Variants in CCDC141 observed in about 807,000 individuals in gnomAD.
The protein encoded by CCDC141 is coiled-coil domain containing 141, also known as coiled-coil domain-containing protein 141.
A neutral mutation model predicts 181.0 loss-of-function variants in CCDC141; 168 were observed. The observed-to-expected ratio is 0.93, with a 90% CI of 0.82 to 1.05. CCDC141 has a LOEUF of 1.05. Ranked by LOEUF, CCDC141 falls within the 50% of genes least tolerant of loss-of-function variation. The pLI is 0.00. For missense variants in CCDC141, 1,902 were observed against 1,788.5 expected (o/e 1.06, Z -1.14); for synonymous variants, 666 against 642.3 (o/e 1.04, Z -0.56).
chr2:178,857,357 G>A lies in CCDC141; in HGVS notation c.2725-960C>T, dbSNP rs117130912. On this transcript the variant is annotated intron_variant, in intron 17 of 23. Transcript: ENST00000443758. Reference sequence around the variant, plus strand: ...TCTGCCCAGTTAAAAATTATTTTTCGTGAGCAGTTCTGAAAAGAGTTTTAC... The same window carrying A: ...TCTGCCCAGTTAAAAATTATTTTTCATGAGCAGTTCTGAAAAGAGTTTTAC... 1.9e-3 allele frequency among the ~76,000 whole-genome samples: 283 copies of A among 152,278 alleles called. 3 individuals are homozygous for A. In the East Asian group the frequency reaches 0.05, roughly 27 times the overall value.
Position 179,015,097 on chromosome 2 carries a change from TATATATAA to T in CCDC141, c.225+32179_225+32186del, listed in dbSNP as rs2042411321. Among the ~76,000 whole-genome samples the T allele has an allele frequency of 4.7e-5, 2 of 42,444 alleles. 1 individual carries two copies. Among genetic ancestry groups the T allele is most frequent in the African/African-American group, 1.3e-4 (2 of 14,916 alleles). 27.8% of individuals were successfully genotyped at this position (42,444 alleles called of 152,430 possible). ...ATATATATATATATATATATATATA[TATATATAA>T]TATATATATAATCATATATATATAT... On this transcript the variant is annotated intron_variant, in intron 2 of 23. Coordinates refer to ENST00000443758, the MANE Select transcript of CCDC141 (RefSeq NM_173648.4).
chr2:178,843,911 G>C (rs1046517722), intron 22 of CCDC141, among the ~76,000 whole-genome samples: 1 of 152,164 alleles, frequency 6.6e-6, no homozygotes, highest in Non-Finnish European at 1.5e-5. Context: ...GACATAACAT[G>C]ACGTTAATAA....
intron 6 of CCDC141, among the ~76,000 whole-genome samples, chr2:178,933,862 G>A (rs1689186939): frequency 1.3e-5 from 2 of 152,176 alleles, no homozygotes; most frequent in Admixed American, 1.3e-4. Context: ...GTGGCAGACT[G>A]ATGTGTGCAT....
Position 179,043,037 on chromosome 2 carries a change from G to A in CCDC141, c.225+4247C>T, listed in dbSNP as rs191800051. On this transcript the variant is annotated intron_variant, in intron 2 of 23. Coordinates refer to ENST00000443758, the MANE Select transcript of CCDC141 (RefSeq NM_173648.4). ...AAACACAGTTTGAAATGATAAGGGG[G>A]ATAGTACAACTGACCCAACAGAAAT... Among the ~76,000 whole-genome samples, 20 of 152,254 alleles carry A rather than the reference G, an allele frequency of 1.3e-4. No individual in the cohort carries two copies. The East Asian group carries it at 3.9e-3, about 29-fold the overall frequency.
In CCDC141 at chr2:178,855,495, G is replaced by A; in HGVS notation, c.2912C>T (p.Ser971Phe). Reference sequence around the variant, plus strand: ...TTTATCACTTGGATAATTTAAGAAAGAATCAGAGGTTTTATTACTAACTTT... The same window carrying A: ...TTTATCACTTGGATAATTTAAGAAAAAATCAGAGGTTTTATTACTAACTTT... ...MEKVSNKTSD[S>F]FLNYPSDKVN... The change falls in exon 19 of 24, where the codon TCT becomes TTT. Residue 971 changes from serine (S) to phenylalanine (F), a missense_variant. Ser to Phe is a radical substitution (Grantham distance 155). Transcript: ENST00000443758. The A allele has an allele frequency of 6.2e-7, 1 of 1,602,594 alleles. No individual in the cohort carries two copies. Among genetic ancestry groups the A allele is most frequent in the Non-Finnish European group, 8.5e-7 (1 of 1,176,218 alleles).
chr2:178,996,800 T>C (rs1310872801), intron 2 of CCDC141, among the ~76,000 whole-genome samples: 1 of 152,172 alleles, frequency 6.6e-6, no homozygotes, highest in African/African-American at 2.4e-5. Context: ...TTTAATTTGA[T>C]ACAAATTACA....
At chr2:179,046,204 T>C (rs771077749) in intron 2 of CCDC141, among the ~76,000 whole-genome samples, 1 of 152,262 alleles carries the variant, frequency 6.6e-6, no homozygotes, top group Admixed American at 6.5e-5. Context: ...TTGATCTTAG[T>C]GAAGATATTT....
chr2:178,950,915 C>T (rs973674443), intron 5 of CCDC141, among the ~76,000 whole-genome samples: 4 of 152,086 alleles, frequency 2.6e-5, no homozygotes, highest in Admixed American at 1.3e-4. Flanking sequence ...TCTCTTCTCA[C>T]GTCTATATTT....
At chr2:178,901,832 C>T (rs978251392) in intron 8 of CCDC141, among the ~76,000 whole-genome samples, 79 of 152,126 alleles carry the variant, frequency 5.2e-4, no homozygotes, top group East Asian at 1.5e-3. Flanking sequence ...TGTTTGCAGA[C>T]GACATGATTG....
At chr2:178,946,918 A>C (rs1367955873) in intron 5 of CCDC141, among the ~76,000 whole-genome samples, 1 of 152,114 alleles carries the variant, frequency 6.6e-6, no homozygotes, top group Non-Finnish European at 1.5e-5. Flanking sequence ...TAGATCTACA[A>C]ATTTTTACTA....
chr2:178,975,184 G>T lies in CCDC141; in HGVS notation c.418-19C>A. ...TAGCAAACTACAATAGAAATACAGA[G>T]GAAAGACATTTGACATTTGTATAAA... On this transcript the variant is annotated intron_variant, in intron 3 of 23. Coordinates refer to ENST00000443758, the MANE Select transcript of CCDC141 (RefSeq NM_173648.4). 8.1e-7 allele frequency: 1 copy of T among 1,227,822 alleles called. No individual in the cohort carries two copies. Among genetic ancestry groups the T allele is most frequent in the Non-Finnish European group, 1.1e-6 (1 of 884,436 alleles). 76.1% of individuals were successfully genotyped at this position (1,227,822 alleles called of 1,614,324 possible).
intron 4 of CCDC141, among the ~76,000 whole-genome samples, chr2:178,970,980 C>A (rs979765742): frequency 6.6e-6 from 1 of 152,270 alleles, no homozygotes; most frequent in South Asian, 2.1e-4. Flanking sequence ...GAGGCTGAGG[C>A]GGGCAGATCA....
chr2:179,003,042 T>G (rs2154383613), intron 2 of CCDC141, among the ~76,000 whole-genome samples: 1 of 152,338 alleles, frequency 6.6e-6, no homozygotes, highest in East Asian at 1.9e-4. Context: ...GAAAATGGGA[T>G]AAAGATCTAT....
At chr2:178,955,961 G>A (rs1690146116) in intron 5 of CCDC141, among the ~76,000 whole-genome samples, 1 of 152,192 alleles carries the variant, frequency 6.6e-6, no homozygotes, top group African/African-American at 2.4e-5. Flanking sequence ...CATTGCGGGG[G>A]CAAGGAGTGG....
rs140093616 is a variant in CCDC141 at position 178,945,399 on chromosome 2, G to A, written c.781-748C>T. 6.2e-4 allele frequency among the ~76,000 whole-genome samples: 95 copies of A among 152,170 alleles called. 1 individual carries two copies. The highest frequency in any genetic ancestry group is 2.9e-3 in the Admixed American group (44 of 15,286). On this transcript the variant is annotated intron_variant, in intron 5 of 23. Coordinates refer to ENST00000443758, the MANE Select transcript of CCDC141 (RefSeq NM_173648.4). ...GACTACTACAAGCTAGTTGCTTTTT[G>A]GGCATCATCTCTATTTCTCTCAACA...
intron 21 of CCDC141, among the ~76,000 whole-genome samples, chr2:178,846,187 G>C (rs1388850865): frequency 6.6e-6 from 1 of 152,162 alleles, no homozygotes; most frequent in Non-Finnish European, 1.5e-5. Context: ...CTCTTGAAAA[G>C]AGGAATAAAA....
chr2:178,898,386 C>T (rs187067467), intron 8 of CCDC141, among the ~76,000 whole-genome samples: 45 of 152,276 alleles, frequency 3.0e-4, no homozygotes, highest in Non-Finnish European at 5.1e-4. Context: ...CATAAGCTAG[C>T]TAAACTTCTT....
intron 2 of CCDC141, among the ~76,000 whole-genome samples, chr2:179,005,317 A>AC (rs1318469836): frequency 6.6e-6 from 1 of 151,866 alleles, no homozygotes; most frequent in Non-Finnish European, 1.5e-5. Flanking sequence ...GAGAATTTAA[A>AC]AAAAAAGGTT....
intron 4 of CCDC141, among the ~76,000 whole-genome samples, chr2:178,970,297 G>A (rs956354789): frequency 2.6e-5 from 4 of 152,150 alleles, no homozygotes; most frequent in Admixed American, 6.6e-5. Context: ...AACAAAAAAA[G>A]AGCCCACATA....
Sources: gnomAD v4.1 joint callset for allele counts (sites outside exome capture counted in the v4.1 genomes callset) on GRCh38, gnomAD v4.1.1 for gene constraint, MANE v1.5 for transcripts, NCBI Gene and HGNC (gene_info 2026-07-23, HGNC 2026-07-21) for gene names.